Variants in BCL11B observed in about 807,000 individuals in gnomAD.
BCL11B encodes the protein B-cell lymphoma/leukemia 11B.
A neutral mutation model predicts 49.9 loss-of-function variants in BCL11B; 8 were observed. The observed-to-expected ratio is 0.16, with a 90% CI of 0.09 to 0.29. The LOEUF (loss-of-function observed/expected upper bound fraction) is 0.29, where lower values mean the gene tolerates loss of function less well. BCL11B is among the 10% of genes least tolerant of loss of function. The pLI is 1.00. For missense variants in BCL11B, 1,006 were observed against 1,351.0 expected (o/e 0.74, Z 4.00); for synonymous variants, 739 against 637.4 (o/e 1.16, Z -2.40).
chr14:99,251,607 C>T (rs1367741093), intron 2 of BCL11B, among the ~76,000 whole-genome samples: 1 of 152,134 alleles, frequency 6.6e-6, no homozygotes, highest in African/African-American at 2.4e-5. Context: ...CCAGGTGCAC[C>T]TGAATTTACA....
At chr14:99,256,381 T>C (rs570592159) in intron 2 of BCL11B, among the ~76,000 whole-genome samples, 1 of 152,326 alleles carries the variant, frequency 6.6e-6, no homozygotes, top group African/African-American at 2.4e-5. Flanking sequence ...CCTGCTGCTA[T>C]TATCACTTTC....
At position 99,247,010 on chromosome 14, in the gene BCL11B, G is replaced by A. The variant is rs1049264541; in HGVS notation, c.427+10461C>T. 2.0e-5 allele frequency among the ~76,000 whole-genome samples: 3 copies of A among 152,138 alleles called. No individual in the cohort carries two copies. Among genetic ancestry groups the A allele is most frequent in the Non-Finnish European group, 4.4e-5 (3 of 68,026 alleles). On this transcript the variant is annotated intron_variant, in intron 2 of 3. Transcript: ENST00000357195. This position sits in a 1 kb window ranked among gnomAD's most constrained non-coding sequence, Gnocchi z 4.5. ...GACCCAGGCCCCAGAGGGCTCCGCAGCCTGGAGCCTCGCGTCCCGCCTCCC... is the reference window on the plus strand; with the variant it reads ...GACCCAGGCCCCAGAGGGCTCCGCAACCTGGAGCCTCGCGTCCCGCCTCCC...
chr14:99,237,481 G>C (rs1888537201), intron 2 of BCL11B, among the ~76,000 whole-genome samples: 1 of 152,112 alleles, frequency 6.6e-6, no homozygotes, highest in South Asian at 2.1e-4. Flanking sequence ...CAGAGCATCT[G>C]GGGGACCTAG....
chr14:99,200,667 G>A (rs1347980541), intron 3 of BCL11B, among the ~76,000 whole-genome samples: 1 of 152,214 alleles, frequency 6.6e-6, no homozygotes, highest in Non-Finnish European at 1.5e-5. Context: ...CAGCTCCAGG[G>A]CTGGGTCACA....
At chr14:99,185,934 T>C (rs760341564) in intron 3 of BCL11B, among the ~76,000 whole-genome samples, 16 of 152,258 alleles carry the variant, frequency 1.1e-4, no homozygotes, top group Non-Finnish European at 2.1e-4. Context: ...CAACAACATT[T>C]ATTCACTTGT....
intron 2 of BCL11B, among the ~76,000 whole-genome samples, chr14:99,254,583 G>C (rs529934152): frequency 1.0e-3 from 153 of 152,364 alleles, no homozygotes; most frequent in African/African-American, 3.6e-3. Context: ...GACAGCCAAA[G>C]CCAGAGGCAG....
intron 2 of BCL11B, among the ~76,000 whole-genome samples, chr14:99,253,729 G>A (rs1321340106): frequency 2.0e-5 from 3 of 151,934 alleles, no homozygotes; most frequent in African/African-American, 7.3e-5. Flanking sequence ...GCTTGGCAGC[G>A]CCACGTGCTC....
rs892580021 is a variant in BCL11B, at chr14:99,232,078, G to T, written c.428-521C>A. On this transcript the variant is annotated intron_variant, in intron 2 of 3. Coordinates refer to ENST00000357195, the MANE Select transcript of BCL11B (RefSeq NM_138576.4). The surrounding 1 kb of genome is among the most constrained non-coding windows in gnomAD (Gnocchi z 5.1). Reference sequence around the variant, plus strand: ...CTTGGGTCCGCCTCCAGGTGTCTGGGCTCTGTTAGCCTCCTGTCTGGCAGA... The same window carrying T: ...CTTGGGTCCGCCTCCAGGTGTCTGGTCTCTGTTAGCCTCCTGTCTGGCAGA... Among the ~76,000 whole-genome samples, 43 of 152,136 alleles carry T rather than the reference G, an allele frequency of 2.8e-4. No homozygotes were observed. Among genetic ancestry groups the T allele is most frequent in the Non-Finnish European group, 5.9e-4 (40 of 68,012 alleles).
chr14:99,197,532 C>G (rs533795024), intron 3 of BCL11B, among the ~76,000 whole-genome samples: 1 of 152,072 alleles, frequency 6.6e-6, no homozygotes, highest in Non-Finnish European at 1.5e-5. Flanking sequence ...TCATTCATTC[C>G]TTTGGGTGTC....
chr14:99,176,904 T>C (rs1844942974), intron 3 of BCL11B, among the ~76,000 whole-genome samples: 1 of 151,814 alleles, frequency 6.6e-6, no homozygotes, highest in Non-Finnish European at 1.5e-5. Context: ...CAAATCAAAC[T>C]GTACTATCCT....
Position 99,175,471 on chromosome 14 carries a change from G to A in BCL11B, c.1365C>T (p.Tyr455=). 1.2e-6 allele frequency: 2 copies of A among 1,611,626 alleles called. No individual in the cohort carries two copies. The highest frequency in any genetic ancestry group is 1.7e-6 in the Non-Finnish European group (2 of 1,178,814). The change falls in exon 4 of 4, where the codon TAC becomes TAT. Residue 455 remains tyrosine (Y), a synonymous_variant. Transcript: ENST00000357195. ...ACGCGTGGTCGCACAGCTGGCACTT[G>A]TAGGGCTTCTCGCCCGTGTGACTGC... ...HRRSHTGEKP[Y]KCQLCDHACS...
At position 99,171,034 on chromosome 14, in the gene BCL11B, G is replaced by C. The variant is rs183240187; in HGVS notation, c.*3117C>G. ...TCTCCTCTACATCTGACATCTTAGAGATGGCCTCTTAGAGAAAGGGAGGAC... is the reference window on the plus strand; with the variant it reads ...TCTCCTCTACATCTGACATCTTAGACATGGCCTCTTAGAGAAAGGGAGGAC... On this transcript the variant is annotated 3_prime_UTR_variant, in exon 4 of 4. Transcript: ENST00000357195. 24 of 231,758 alleles carry C rather than the reference G, an allele frequency of 1.0e-4. No individual in the cohort carries two copies. Among genetic ancestry groups the C allele is most frequent in the Non-Finnish European group, 1.5e-4 (17 of 116,900 alleles). The allele number at this position is 231,758 out of a possible 1,614,324, so 14.4% of individuals were successfully genotyped here. A position where few individuals can be genotyped will look rare whatever the true frequency, so the allele number is the denominator to read the frequency against.
chr14:99,257,494 C>G lies in BCL11B; in HGVS notation c.404G>C (p.Cys135Ser). Residue 135 changes from cysteine to serine, a missense_variant, in exon 2 of 4, where the codon TGT becomes TCT. Physicochemically the swap from Cys to Ser is moderately radical, Grantham distance 112 (BLOSUM62 -1). This residue lies in a region of BCL11B where 411 missense variants were observed against 542.2 expected (regional missense o/e 0.76). Coordinates refer to ENST00000357195, the MANE Select transcript of BCL11B (RefSeq NM_138576.4). The surrounding 1 kb of genome is among the most constrained non-coding windows in gnomAD (Gnocchi z 6.2). ...ACCTGCAATGTTCTCCTGCTTGGGA[C>G]AGATGCCTTTCGTGGGTGAGAGCAG... The part of the protein sequence containing the change: ...DHLLSPTKGI[C>S]PKQENIAGPC... The G allele has an allele frequency of 6.2e-7, 1 of 1,608,210 alleles. No individual in the cohort carries two copies. Among genetic ancestry groups the G allele is most frequent in the Non-Finnish European group, 8.5e-7 (1 of 1,176,112 alleles).
At chr14:99,221,721 G>A (rs1888014245) in intron 3 of BCL11B, among the ~76,000 whole-genome samples, 1 of 152,270 alleles carries the variant, frequency 6.6e-6, no homozygotes, top group African/African-American at 2.4e-5. Context: ...CGAAAACCAG[G>A]AGCGGTCCTG....
intron 3 of BCL11B, among the ~76,000 whole-genome samples, chr14:99,196,304 G>T (rs1887177484): frequency 6.6e-6 from 1 of 152,104 alleles, no homozygotes; most frequent in Admixed American, 6.5e-5. Context: ...CACGAGTGAG[G>T]ACAGCAGTGT....
chr14:99,259,496 C>A (rs1177781428), intron 1 of BCL11B, among the ~76,000 whole-genome samples: 1 of 152,186 alleles, frequency 6.6e-6, no homozygotes, highest in African/African-American at 2.4e-5. Flanking sequence ...TAGGTAGCGA[C>A]GTAGGTATCG....
At chr14:99,182,050 C>T (rs1372309672) in intron 3 of BCL11B, among the ~76,000 whole-genome samples, 2 of 152,172 alleles carry the variant, frequency 1.3e-5, no homozygotes, top group Admixed American at 1.3e-4. Flanking sequence ...ATTTAAGTTT[C>T]GTGTCTATAT....
rs1017193780 is a variant in BCL11B, at chr14:99,262,531, C to T, written c.59-4692G>A. Among the ~76,000 whole-genome samples, 3 of 152,162 alleles carry T rather than the reference C, an allele frequency of 2.0e-5. No homozygotes were observed. Among genetic ancestry groups the T allele is most frequent in the African/African-American group, 7.2e-5 (3 of 41,434 alleles). ...GGGATGGGTCCCAGGCTCTTAAAAT[C>T]GTGTGCCACCAACGTCACAACCGCC... On this transcript the variant is annotated intron_variant, in intron 1 of 3. Coordinates refer to ENST00000357195, the MANE Select transcript of BCL11B (RefSeq NM_138576.4). This position sits in a 1 kb window ranked among gnomAD's most constrained non-coding sequence, Gnocchi z 4.2.
At chr14:99,246,812 A>AG (rs1229214702) in intron 2 of BCL11B, among the ~76,000 whole-genome samples, 1 of 151,786 alleles carries the variant, frequency 6.6e-6, no homozygotes, top group Admixed American at 6.6e-5. Context: ...CGTCGCGGGG[A>AG]GGGGAGGAGG....
Sources: gnomAD v4.1 joint callset for allele counts (sites outside exome capture counted in the v4.1 genomes callset) on GRCh38, gnomAD v4.1.1 for gene constraint, gnomAD v4.1.1 regional missense constraint, Gnocchi (gnomAD v3.1) non-coding constraint, MANE v1.5 for transcripts, NCBI Gene and HGNC (gene_info 2026-07-23, HGNC 2026-07-21) for gene names.